SV2C: variants seen among roughly 807,000 people sequenced by gnomAD.
SV2C encodes solute carrier family 22 member B3.
A neutral mutation model predicts 79.7 loss-of-function variants in SV2C; 49 were observed. The observed-to-expected ratio is 0.61, with a 90% CI of 0.49 to 0.78. The LOEUF (loss-of-function observed/expected upper bound fraction) is 0.78, where lower values mean the gene tolerates loss of function less well. Ranked by LOEUF, SV2C falls within the 30% of genes least tolerant of loss-of-function variation. SV2C has a pLI of 0.00. For missense variants in SV2C, 833 were observed against 912.9 expected (o/e 0.91, Z 1.13); for synonymous variants, 334 against 333.2 (o/e 1.00, Z -0.03).
chr5:75,887,714 T>C, the SV2C span, among the ~76,000 whole-genome samples: 1 of 151,990 alleles, frequency 6.6e-6, no homozygotes, highest in East Asian at 1.9e-4. Context: ...CTTAGAGCAT[T>C]CCTACAGCTT....
intron 2 of SV2C, among the ~76,000 whole-genome samples, chr5:76,136,793 T>C (rs1396019289): frequency 6.6e-6 from 1 of 152,208 alleles, no homozygotes; most frequent in African/African-American, 2.4e-5. Flanking sequence ...GGATGGCACT[T>C]CGGGAAGATG....
At chr5:76,000,055 G>T in the SV2C span, among the ~76,000 whole-genome samples, 3 of 152,084 alleles carry the variant, frequency 2.0e-5, no homozygotes, top group South Asian at 6.2e-4. Context: ...CCATAGCAAG[G>T]CCCTAAACAA....
rs1330697686 is a variant in SV2C at position 76,230,405 on chromosome 5, G to A, written c.913+20518G>A. On this transcript the variant is annotated intron_variant, in intron 4 of 12. Transcript: ENST00000502798. The stretch of plus-strand genomic sequence containing the variant: ...GGGAGGGTAATGAATTCAGTTCTCT[G>A]CACCTAAGGTTGAAAAGAAAATAAA... Among the ~76,000 whole-genome samples the A allele has an allele frequency of 4.6e-5, 7 of 152,198 alleles. No homozygotes were observed. In the East Asian group the frequency reaches 1.3e-3, roughly 29 times the overall value.
the SV2C span, among the ~76,000 whole-genome samples, chr5:76,001,654 G>T: frequency 6.6e-6 from 1 of 152,092 alleles, no homozygotes; most frequent in African/African-American, 2.4e-5. Flanking sequence ...TTGTAAATAC[G>T]CTATTTACAG....
At chr5:76,100,642 A>G (rs1228489441) in intron 1 of SV2C, among the ~76,000 whole-genome samples, 1 of 152,186 alleles carries the variant, frequency 6.6e-6, no homozygotes, top group Admixed American at 6.5e-5. Flanking sequence ...GGATCTCAAT[A>G]AGCATGCATA....
the SV2C span, among the ~76,000 whole-genome samples, chr5:75,900,362 T>G: frequency 2.0e-5 from 3 of 152,242 alleles, no homozygotes; most frequent in African/African-American, 7.2e-5. Context: ...GTTTGAAAAT[T>G]CTTTTCTTTA....
the SV2C span, among the ~76,000 whole-genome samples, chr5:76,032,709 T>C: frequency 5.3e-5 from 8 of 152,290 alleles, no homozygotes; most frequent in Admixed American, 2.0e-4. Context: ...AATAAACATA[T>C]GTGTGCATGT....
intron 6 of SV2C, among the ~76,000 whole-genome samples, chr5:76,290,019 G>A (rs767505432): frequency 2.0e-5 from 3 of 152,024 alleles, no homozygotes; most frequent in African/African-American, 4.8e-5. Context: ...AAATATCGAT[G>A]AGTGAAAAAG....
At chr5:76,217,424 G>C (rs1744935088) in intron 4 of SV2C, among the ~76,000 whole-genome samples, 1 of 152,202 alleles carries the variant, frequency 6.6e-6, no homozygotes, top group Non-Finnish European at 1.5e-5. Flanking sequence ...AAGAAGGAAT[G>C]CACTGTGGCC....
chr5:76,028,813 G>A, the SV2C span, among the ~76,000 whole-genome samples: 1 of 152,158 alleles, frequency 6.6e-6, no homozygotes, highest in Non-Finnish European at 1.5e-5. Flanking sequence ...CTACCCACTA[G>A]ATGCCATCTT....
intron 2 of SV2C, among the ~76,000 whole-genome samples, chr5:76,176,324 T>C (rs1210890635): frequency 6.6e-6 from 1 of 152,254 alleles, no homozygotes; most frequent in Non-Finnish European, 1.5e-5. Flanking sequence ...GCTGCGGTTT[T>C]GTTTCATCCT....
chr5:76,139,318 G>A (rs527498527), intron 2 of SV2C, among the ~76,000 whole-genome samples: 1 of 152,000 alleles, frequency 6.6e-6, no homozygotes, highest in Non-Finnish European at 1.5e-5. Context: ...GACATCCTTG[G>A]CCTGGGATTT....
chr5:76,314,323 G>A (rs1361173791), intron 12 of SV2C, among the ~76,000 whole-genome samples: 1 of 152,118 alleles, frequency 6.6e-6, no homozygotes, highest in Non-Finnish European at 1.5e-5. Context: ...TGTCCTTTGG[G>A]TCCCTTTCCA....
At chr5:75,991,591 A>G in the SV2C span, among the ~76,000 whole-genome samples, 1 of 141,272 alleles carries the variant, frequency 7.1e-6, no homozygotes, top group South Asian at 2.1e-4. Flanking sequence ...ATATACACAC[A>G]TATATATATA....
the SV2C span, among the ~76,000 whole-genome samples, chr5:75,977,591 T>C: frequency 6.6e-6 from 1 of 152,200 alleles, no homozygotes; most frequent in African/African-American, 2.4e-5. Flanking sequence ...CTCTAGTCCA[T>C]GTGTTCTGTT....
exon 13 of SV2C, chr5:76,353,227 G>A (rs1422087074): frequency 3.3e-5 from 11 of 333,126 alleles, no homozygotes; most frequent in East Asian, 1.0e-4. Flanking sequence ...TTACAGTCTC[G>A]AGCCACTGCA....
At chr5:75,972,062 G>A in the SV2C span, among the ~76,000 whole-genome samples, 6 of 152,006 alleles carry the variant, frequency 3.9e-5, no homozygotes, top group Admixed American at 6.6e-5. Context: ...CCTGAGAAAA[G>A]CAAGCAATGG....
chr5:75,858,186 TC>T, the SV2C span, among the ~76,000 whole-genome samples: 3 of 152,190 alleles, frequency 2.0e-5, no homozygotes, highest in Non-Finnish European at 4.4e-5. Context: ...TTATTCCAGG[TC>T]TTACTGGAAA....
chr5:75,940,950 A>G, the SV2C span, among the ~76,000 whole-genome samples: 2 of 152,218 alleles, frequency 1.3e-5, no homozygotes, highest in Non-Finnish European at 2.9e-5. Context: ...ACCCACATGT[A>G]AAACTTAATT....
Sources: gnomAD v4.1 joint callset for allele counts (sites outside exome capture counted in the v4.1 genomes callset) on GRCh38, gnomAD v4.1.1 for gene constraint, MANE v1.5 for transcripts, NCBI Gene and HGNC (gene_info 2026-07-23, HGNC 2026-07-21) for gene names.